The following DCC variants were observed in gnomAD, a reference collection of about 807,000 sequenced individuals.
DCC encodes DCC netrin 1 receptor, also known as netrin receptor DCC.
Under a neutral mutation model 172.5 loss-of-function variants are expected in DCC, and 58 were observed. The observed-to-expected ratio is 0.34, with a 90% CI of 0.27 to 0.42. The LOEUF (loss-of-function observed/expected upper bound fraction) is 0.42, where lower values mean the gene tolerates loss of function less well. Ranked by LOEUF, DCC falls within the 10% of genes least tolerant of loss-of-function variation. DCC has a pLI of 1.00. For synonymous variants in DCC, 709 were observed against 644.5 expected (o/e 1.10, Z -1.52); for missense variants, 1,740 against 1,791.0 (o/e 0.97, Z 0.51).
chr18:52,957,291 A>G (rs1391643196), intron 5 of DCC, among the ~76,000 whole-genome samples: 3 of 152,126 alleles, frequency 2.0e-5, no homozygotes, highest in Non-Finnish European at 4.4e-5. Context: ...ATAAAATACA[A>G]CCAATATAGT....
At chr18:52,841,298 A>G (rs73956074) in intron 2 of DCC, among the ~76,000 whole-genome samples, 4 of 126,058 alleles carry the variant, frequency 3.2e-5, no homozygotes, top group African/African-American at 1.1e-4. Context: ...AAAAAAAAAC[A>G]ACACTCTGAC....
intron 1 of DCC, among the ~76,000 whole-genome samples, chr18:52,510,921 G>T (rs1224058077): frequency 1.3e-5 from 2 of 152,008 alleles, no homozygotes; most frequent in Admixed American, 6.6e-5. Flanking sequence ...AAACTTACAG[G>T]TGAAAAAAAG....
chr18:53,340,047 TAC>T (rs151131015), intron 15 of DCC, 140 bp downstream of exon 15: 62,962 of 524,982 alleles, frequency 0.12, 207 homozygotes, highest in Non-Finnish European at 0.13. Flanking sequence ...ACTGTCTATC[TAC>T]ACACACACAC....
chr18:53,425,357 CTTTTTTTTTTTT>C (rs747096336), intron 21 of DCC, among the ~76,000 whole-genome samples: 1 of 101,632 alleles, frequency 9.8e-6, no homozygotes, highest in South Asian at 3.4e-4. Flanking sequence ...TTTCTCCTCT[CTTTTTTTTTTTT>C]TTTTTTTTGA....
chr18:52,702,525 G>T (rs893861853), intron 1 of DCC, among the ~76,000 whole-genome samples: 1 of 152,042 alleles, frequency 6.6e-6, no homozygotes, highest in African/African-American at 2.4e-5. Context: ...GTAACAGCAC[G>T]CTTTTTCATT....
In DCC at chr18:52,689,950, T is replaced by G. The variant is rs370847515; in HGVS notation, c.92-62104T>G. On this transcript the variant is annotated intron_variant, in intron 1 of 28. Coordinates refer to ENST00000442544, the MANE Select transcript of DCC (RefSeq NM_005215.4). Reference sequence around the variant, plus strand: ...AACAGAAGTGAAGTCGAATCTATTTTGACTAGAAGAAGAACAAAAGCCCTG... The same window carrying G: ...AACAGAAGTGAAGTCGAATCTATTTGGACTAGAAGAAGAACAAAAGCCCTG... Among the ~76,000 whole-genome samples, 8 of 152,282 alleles carry G rather than the reference T, an allele frequency of 5.3e-5. No homozygotes were observed. In the East Asian group the frequency reaches 7.7e-4, roughly 15 times the overall value.
At chr18:53,082,503 C>G (rs945957352) in intron 7 of DCC, among the ~76,000 whole-genome samples, 2 of 151,874 alleles carry the variant, frequency 1.3e-5, no homozygotes, top group Non-Finnish European at 2.9e-5. Context: ...ATATAATACT[C>G]CAGGGCAAAA....
chr18:53,180,111 A>G lies in DCC; in HGVS notation c.1573+995A>G, dbSNP rs572452673. Among the ~76,000 whole-genome samples the G allele has an allele frequency of 2.0e-5, 3 of 152,266 alleles. No individual in the cohort carries two copies. The East Asian group carries it at 5.8e-4, about 29-fold the overall frequency. On this transcript the variant is annotated intron_variant, in intron 9 of 28. Transcript: ENST00000442544. ...TTTAACTGGTAATTGTGAGAGAGTAACCTTTGTATTCTATCACTTCTTGGG... is the reference window on the plus strand; with the variant it reads ...TTTAACTGGTAATTGTGAGAGAGTAGCCTTTGTATTCTATCACTTCTTGGG...
chr18:53,141,434 G>A (rs150159615), intron 7 of DCC, among the ~76,000 whole-genome samples: 2,576 of 152,222 alleles, frequency 0.017, 32 homozygotes, highest in Middle Eastern at 0.027. Flanking sequence ...GAAAATCCAG[G>A]AAGGCAAAAA....
intron 1 of DCC, among the ~76,000 whole-genome samples, chr18:52,420,015 C>T (rs1230496687): frequency 6.6e-6 from 1 of 152,126 alleles, no homozygotes; most frequent in Admixed American, 6.5e-5. Context: ...TTGGAAGAGG[C>T]AGAGCCAGGA....
chr18:53,299,531 A>G (rs2057107243), intron 12 of DCC, among the ~76,000 whole-genome samples: 1 of 152,178 alleles, frequency 6.6e-6, no homozygotes, highest in African/African-American at 2.4e-5. Flanking sequence ...TTCCTTGTAA[A>G]GTCCTTTTGG....
chr18:53,187,111 T>C (rs1461436252), intron 9 of DCC, among the ~76,000 whole-genome samples: 4 of 145,344 alleles, frequency 2.8e-5, no homozygotes. Flanking sequence ...TCAAATTTAC[T>C]TTCTCTCTTT....
chr18:52,417,068 G>A (rs1476758803), intron 1 of DCC, among the ~76,000 whole-genome samples: 2 of 152,044 alleles, frequency 1.3e-5, no homozygotes, highest in African/African-American at 4.8e-5. Flanking sequence ...GGCAGGCCTG[G>A]TGGTGACAAA....
chr18:53,206,638 C>T (rs2055652451), intron 10 of DCC, among the ~76,000 whole-genome samples: 1 of 132,378 alleles, frequency 7.6e-6, no homozygotes, highest in Admixed American at 7.7e-5. Context: ...TATATGTATA[C>T]ATATATATAA....
intron 5 of DCC, among the ~76,000 whole-genome samples, chr18:52,986,718 C>CTA (rs1225995358): frequency 2.7e-5 from 4 of 150,830 alleles, no homozygotes; most frequent in African/African-American, 9.7e-5. Context: ...GTAGCAGAAG[C>CTA]TATATATATA....
At chr18:53,517,913 A>G (rs969264923) in intron 27 of DCC, among the ~76,000 whole-genome samples, 12 of 152,164 alleles carry the variant, frequency 7.9e-5, no homozygotes, top group African/African-American at 7.2e-5. Flanking sequence ...GTGTCTGAGT[A>G]AATGCGGCTA....
intron 5 of DCC, among the ~76,000 whole-genome samples, chr18:53,035,675 C>T (rs541397661): frequency 2.0e-5 from 3 of 152,028 alleles, no homozygotes; most frequent in South Asian, 2.1e-4. Context: ...CCTAAATGAA[C>T]GCAGCAGGGG....
intron 12 of DCC, among the ~76,000 whole-genome samples, chr18:53,226,948 A>ATATATATATATATATATATTTTTT: frequency 1.9e-5 from 1 of 52,950 alleles, no homozygotes; most frequent in African/African-American, 9.4e-5. Flanking sequence ...ATATATATAT[A>ATATATATATATATATATATTTTTT]TTTTTTTTTT....
In DCC at chr18:52,387,477, G is replaced by A. The variant is rs548649322; in HGVS notation, c.91+46599G>A. Among the ~76,000 whole-genome samples the A allele has an allele frequency of 8.4e-4, 128 of 152,240 alleles. 2 individuals carry two copies. Among genetic ancestry groups the A allele is most frequent in the African/African-American group, 3.0e-3 (123 of 41,526 alleles). On this transcript the variant is annotated intron_variant, in intron 1 of 28. Coordinates refer to ENST00000442544, the MANE Select transcript of DCC (RefSeq NM_005215.4). ...ATCTCCTTCTGCAAGCCCTTGCTAT[G>A]TGTTTGGACAGAGCTACTACCAGCA...
Sources: allele counts gnomAD v4.1 joint callset (sites outside exome capture counted in the v4.1 genomes callset), GRCh38; gene constraint gnomAD v4.1.1; transcripts MANE v1.5; gene names NCBI Gene and HGNC (gene_info 2026-07-23, HGNC 2026-07-21).